Variants in UBTD1 observed in about 807,000 individuals in gnomAD.
The protein encoded by UBTD1 is ubiquitin domain-containing protein 1.
UBTD1 carries 19 observed loss-of-function variants against 21.7 expected under a neutral mutation model. The ratio of observed to expected loss-of-function variants is 0.87; its 90% CI spans 0.61 to 1.28. UBTD1 has a LOEUF of 1.28. Among genes scored for constraint, UBTD1 ranks in the 50% most tolerant of loss-of-function variants. UBTD1 has a pLI of 0.00. For synonymous variants in UBTD1, 116 were observed against 135.1 expected, an observed-to-expected ratio of 0.86 and a Z score of 0.98; for missense variants, 282 against 315.1, an observed-to-expected ratio of 0.89 and a Z score of 0.80.
chr10:97,557,965 G>A (rs1256938504), intron 1 of UBTD1, among the ~76,000 whole-genome samples: 1 of 152,184 alleles, frequency 6.6e-6, no homozygotes, highest in African/African-American at 2.4e-5. Flanking sequence ...AAGGTCAGTT[G>A]AAGTCCTTAC....
chr10:97,537,015 C>A (rs771234764), intron 1 of UBTD1, among the ~76,000 whole-genome samples: 3 of 152,060 alleles, frequency 2.0e-5, no homozygotes, highest in Non-Finnish European at 4.4e-5. Context: ...GACGTGCATT[C>A]GGACAACAAG....
At chr10:97,545,387 C>CGTGT (rs1554866775) in intron 1 of UBTD1, among the ~76,000 whole-genome samples, 4,417 of 120,686 alleles carry the variant, frequency 0.037, 129 homozygotes, top group African/African-American at 0.12. Context: ...GTATGGGGCT[C>CGTGT]GTGTGTGTGT....
At chr10:97,502,643 G>A (rs534835156) in intron 1 of UBTD1, among the ~76,000 whole-genome samples, 16 of 152,204 alleles carry the variant, frequency 1.1e-4, no homozygotes, top group Admixed American at 9.2e-4. Flanking sequence ...TGTTTAAAGC[G>A]AGAAAGTTAT....
chr10:97,504,872 G>A lies in UBTD1; in HGVS notation c.70+5599G>A, dbSNP rs575256996. 2.0e-5 allele frequency among the ~76,000 whole-genome samples: 3 copies of A among 152,312 alleles called. No individual in the cohort carries two copies. The South Asian group carries it at 6.2e-4, about 32-fold the overall frequency. ...GGCTTCTCTCTTGCCCCAGGCTTGC[G>A]TAAGTTCTTAGATACCTGGGATATA... On this transcript the variant is annotated intron_variant, in intron 1 of 2. Transcript: ENST00000370664.
chr10:97,529,932 C>T (rs2040520191), intron 1 of UBTD1, among the ~76,000 whole-genome samples: 2 of 152,142 alleles, frequency 1.3e-5, no homozygotes, highest in Non-Finnish European at 2.9e-5. Context: ...CGAGCCCAGC[C>T]CCCTTGCCCT....
chr10:97,501,389 C>T (rs1216265218), intron 1 of UBTD1, among the ~76,000 whole-genome samples: 1 of 152,178 alleles, frequency 6.6e-6, no homozygotes. Flanking sequence ...GAGTTCGAGA[C>T]CAGCCTGGCC....
chr10:97,511,132 C>T (rs1209868412), intron 1 of UBTD1, among the ~76,000 whole-genome samples: 3 of 152,176 alleles, frequency 2.0e-5, no homozygotes, highest in Non-Finnish European at 2.9e-5. Context: ...CTCTTTCGCA[C>T]TTGATGAGCA....
intron 1 of UBTD1, among the ~76,000 whole-genome samples, chr10:97,524,923 T>C (rs1362372918): frequency 6.6e-6 from 1 of 152,214 alleles, no homozygotes; most frequent in Non-Finnish European, 1.5e-5. Flanking sequence ...CATAGTCACA[T>C]GGCCTCCCTG....
intron 1 of UBTD1, among the ~76,000 whole-genome samples, chr10:97,516,454 A>G (rs1274334745): frequency 6.6e-6 from 1 of 152,162 alleles, no homozygotes; most frequent in East Asian, 1.9e-4. Context: ...TGCCCCTTTC[A>G]GGGCTTTGGG....
At chr10:97,534,612 C>CACACCA in intron 1 of UBTD1, among the ~76,000 whole-genome samples, 1 of 143,554 alleles carries the variant, frequency 7.0e-6, no homozygotes, top group South Asian at 2.2e-4. Context: ...CACACACACA[C>CACACCA]CACCCTTACT....
chr10:97,533,603 G>A (rs2040544113), intron 1 of UBTD1, among the ~76,000 whole-genome samples: 2 of 152,104 alleles, frequency 1.3e-5, no homozygotes, highest in Non-Finnish European at 1.5e-5. Context: ...CCTCCACCAA[G>A]TCTGACTCAG....
intron 1 of UBTD1, among the ~76,000 whole-genome samples, chr10:97,549,586 C>A (rs2040626653): frequency 6.6e-6 from 1 of 152,232 alleles, no homozygotes; most frequent in Admixed American, 6.5e-5. Context: ...GAAGGGGGCT[C>A]TCAGGGGTGC....
chr10:97,554,586 T>A (rs1026108947), intron 1 of UBTD1, among the ~76,000 whole-genome samples: 2 of 152,134 alleles, frequency 1.3e-5, no homozygotes, highest in African/African-American at 4.8e-5. Context: ...GGTCTCACTG[T>A]GTCACCCAGG....
intron 1 of UBTD1, among the ~76,000 whole-genome samples, chr10:97,560,720 T>C (rs553895866): frequency 6.6e-6 from 1 of 152,288 alleles, no homozygotes; most frequent in East Asian, 1.9e-4. Context: ...GTAATCTCCC[T>C]TAAATTCTTC....
At chr10:97,541,819 C>T (rs1242916215) in intron 1 of UBTD1, among the ~76,000 whole-genome samples, 1 of 150,432 alleles carries the variant, frequency 6.6e-6, no homozygotes, top group Non-Finnish European at 1.5e-5. Context: ...ACTGCAACCT[C>T]CGCCTCCCTA....
At chr10:97,565,294 C>T (rs1306305433) in intron 1 of UBTD1, among the ~76,000 whole-genome samples, 1 of 152,170 alleles carries the variant, frequency 6.6e-6, no homozygotes, top group African/African-American at 2.4e-5. Context: ...CCACCTGATT[C>T]TTTTCTAGGA....
At chr10:97,535,833 G>A (rs1467312992) in intron 1 of UBTD1, among the ~76,000 whole-genome samples, 1 of 151,590 alleles carries the variant, frequency 6.6e-6, no homozygotes, top group East Asian at 1.9e-4. Flanking sequence ...TAGAAGGATC[G>A]CTTGATGCCA....
chr10:97,509,179 G>C (rs2040411347), intron 1 of UBTD1, among the ~76,000 whole-genome samples: 1 of 152,178 alleles, frequency 6.6e-6, no homozygotes, highest in South Asian at 2.1e-4. Context: ...TGTTAGATAG[G>C]CAAGGCAGGA....
chr10:97,505,467 C>T (rs2040394368), intron 1 of UBTD1, among the ~76,000 whole-genome samples: 2 of 152,188 alleles, frequency 1.3e-5, no homozygotes, highest in Non-Finnish European at 2.9e-5. Context: ...GTTTCTTCCT[C>T]AGTTGATCCC....
Sources: gnomAD v4.1 joint callset for allele counts (sites outside exome capture counted in the v4.1 genomes callset) on GRCh38, gnomAD v4.1.1 for gene constraint, MANE v1.5 for transcripts, NCBI Gene and HGNC (gene_info 2026-07-23, HGNC 2026-07-21) for gene names.